AFDN: variants seen among roughly 807,000 people sequenced by gnomAD.
AFDN encodes afadin.
Under a neutral mutation model 216.6 loss-of-function variants are expected in AFDN, and 68 were observed. The ratio of observed to expected loss-of-function variants is 0.31; its 90% CI spans 0.26 to 0.38. The LOEUF (loss-of-function observed/expected upper bound fraction) is 0.38. Among genes scored for constraint, AFDN ranks in the 10% least tolerant of loss-of-function variants. The pLI, the probability that AFDN is intolerant of heterozygous loss-of-function variation, is 1.00. For synonymous variants in AFDN, 868 were observed against 853.7 expected, an observed-to-expected ratio of 1.02 and a Z score of -0.29; for missense variants, 2,136 against 2,342.0, an observed-to-expected ratio of 0.91 and a Z score of 1.82.
chr6:167,924,438 G>A (rs530825338), intron 22 of AFDN, among the ~76,000 whole-genome samples: 21 of 152,262 alleles, frequency 1.4e-4, no homozygotes, highest in African/African-American at 4.6e-4. Flanking sequence ...CCAGCCAGGC[G>A]GGCTTCACTC....
chr6:167,909,862 GAC>G (rs1414067383), intron 13 of AFDN, among the ~76,000 whole-genome samples: 1 of 152,092 alleles, frequency 6.6e-6, no homozygotes, highest in Non-Finnish European at 1.5e-5. Flanking sequence ...TTTTTTCAGA[GAC>G]ATTTTTGAGA....
intron 1 of AFDN, among the ~76,000 whole-genome samples, chr6:167,845,991 A>G (rs1238381501): frequency 1.3e-5 from 2 of 152,014 alleles, no homozygotes; most frequent in Non-Finnish European, 2.9e-5. Flanking sequence ...AGATGCTTAT[A>G]AAACCATCAG....
At chr6:167,922,636 G>T (rs891559269) in intron 21 of AFDN, among the ~76,000 whole-genome samples, 1 of 152,158 alleles carries the variant, frequency 6.6e-6, no homozygotes, top group Non-Finnish European at 1.5e-5. Context: ...AGGAGTGGGA[G>T]GCCAATTTTA....
chr6:167,942,999 T>C, intron 23 of AFDN, 130 bp from the exon 24 acceptor site: 1 of 611,090 alleles, frequency 1.6e-6, no homozygotes, highest in Non-Finnish European at 2.8e-6. Flanking sequence ...CATGTAAAAA[T>C]GAGAACCAGG....
chr6:167,928,758 CT>C, intron 23 of AFDN, among the ~76,000 whole-genome samples: 1 of 152,330 alleles, frequency 6.6e-6, no homozygotes, highest in Admixed American at 6.5e-5. Flanking sequence ...GATCCTTGCA[CT>C]TGGTCACCTC....
At chr6:167,901,890 C>T (rs1231819141) in intron 11 of AFDN, among the ~76,000 whole-genome samples, 2 of 151,564 alleles carry the variant, frequency 1.3e-5, no homozygotes, top group African/African-American at 2.4e-5. Context: ...GTCAGGAGTT[C>T]GAGACCAGCC....
At chr6:167,850,287 G>T (rs1324712090) in intron 1 of AFDN, among the ~76,000 whole-genome samples, 1 of 152,136 alleles carries the variant, frequency 6.6e-6, no homozygotes, top group Non-Finnish European at 1.5e-5. Flanking sequence ...TGTGTGAAAT[G>T]TGAAAGGTCT....
intron 8 of AFDN, among the ~76,000 whole-genome samples, chr6:167,893,070 G>A (rs996359029): frequency 2.0e-5 from 3 of 152,076 alleles, no homozygotes; most frequent in East Asian, 1.9e-4. Flanking sequence ...CTCTAGTCCC[G>A]ACTTCTCCTG....
intron 6 of AFDN, among the ~76,000 whole-genome samples, chr6:167,881,982 G>T (rs1317124837): frequency 6.6e-6 from 1 of 152,150 alleles, no homozygotes; most frequent in Non-Finnish European, 1.5e-5. Context: ...CATGGGACTT[G>T]CTGTCAAATG....
chr6:167,971,418 C>T lies in AFDN; in HGVS notation c.*1483C>T, dbSNP rs748335737. On this transcript the variant is annotated 3_prime_UTR_variant, in exon 34 of 34. Coordinates refer to ENST00000683244, the MANE Select transcript of AFDN (RefSeq NM_001386888.1). ...GTTGTATGATAAATCATTAAAAATG[C>T]GAGTGTAAATATTTTTTTTTACCTC... 1 of 200,310 alleles carries T rather than the reference C, an allele frequency of 5.0e-6. No individual in the cohort carries two copies. The highest frequency in any genetic ancestry group is 1.0e-5 in the Non-Finnish European group (1 of 97,764). The allele number at this position is 200,310 out of a possible 1,614,324, so 12.4% of individuals were successfully genotyped here.
At chr6:167,938,638 T>G (rs1260001445) in intron 23 of AFDN, among the ~76,000 whole-genome samples, 1 of 152,184 alleles carries the variant, frequency 6.6e-6, no homozygotes, top group African/African-American at 2.4e-5. Flanking sequence ...TACCTTAAAA[T>G]GGTAGAGGAT....
At chr6:167,932,311 T>C (rs1793411147) in intron 23 of AFDN, among the ~76,000 whole-genome samples, 1 of 152,190 alleles carries the variant, frequency 6.6e-6, no homozygotes, top group African/African-American at 2.4e-5. Context: ...TGGTTAAGTT[T>C]TATGAAATCC....
At chr6:167,854,977 T>G (rs1782732966) in intron 1 of AFDN, among the ~76,000 whole-genome samples, 1 of 151,948 alleles carries the variant, frequency 6.6e-6, no homozygotes, top group African/African-American at 2.4e-5. Flanking sequence ...TGTAACTTGA[T>G]TTTTTTCAGA....
At chr6:167,964,122 C>T in intron 31 of AFDN, 2 of 1,064,072 alleles carry the variant, frequency 1.9e-6, no homozygotes. Context: ...GTTTTCATAA[C>T]TCATGATTAT....
At chr6:167,931,878 C>T (rs1793347879) in intron 23 of AFDN, among the ~76,000 whole-genome samples, 1 of 152,200 alleles carries the variant, frequency 6.6e-6, no homozygotes, top group African/African-American at 2.4e-5. Context: ...TTCAGTCACG[C>T]TGCTGCTGTG....
intron 23 of AFDN, among the ~76,000 whole-genome samples, chr6:167,932,988 AT>A: frequency 6.6e-6 from 1 of 152,126 alleles, no homozygotes; most frequent in East Asian, 1.9e-4. Context: ...TATGCTTCTT[AT>A]TTAAGAAAAC....
chr6:167,894,356 C>T (rs1458432670), intron 9 of AFDN, among the ~76,000 whole-genome samples: 1 of 152,106 alleles, frequency 6.6e-6, no homozygotes, highest in African/African-American at 2.4e-5. Flanking sequence ...GATTTATTGT[C>T]ATTATCTACG....
chr6:167,915,152 C>A lies in AFDN; in HGVS notation c.2300-16C>A. On this transcript the variant is annotated splice_polypyrimidine_tract_variant and intron_variant, in intron 18 of 33. Coordinates refer to ENST00000683244, the MANE Select transcript of AFDN (RefSeq NM_001386888.1). ...TGACATTTTGCTCCTCTTGTCCTCTCACCCTGTCTGGGCAGATGATGTGCT... is the reference window on the plus strand; with the variant it reads ...TGACATTTTGCTCCTCTTGTCCTCTAACCCTGTCTGGGCAGATGATGTGCT... 1 of 1,612,960 alleles carries A rather than the reference C, an allele frequency of 6.2e-7. No individual in the cohort carries two copies. Among genetic ancestry groups the A allele is most frequent in the South Asian group, 1.1e-5 (1 of 90,950 alleles).
intron 1 of AFDN, among the ~76,000 whole-genome samples, chr6:167,854,793 T>C (rs999590865): frequency 6.6e-6 from 1 of 150,850 alleles, no homozygotes; most frequent in African/African-American, 2.4e-5. Flanking sequence ...TCTAGTAGGC[T>C]GACCCTTCAT....
Sources: gnomAD v4.1 joint callset for allele counts (sites outside exome capture counted in the v4.1 genomes callset) on GRCh38, gnomAD v4.1.1 for gene constraint, MANE v1.5 for transcripts, NCBI Gene and HGNC (gene_info 2026-07-23, HGNC 2026-07-21) for gene names.